MAMDC2: variants seen among roughly 807,000 people sequenced by gnomAD.
MAMDC2 encodes MAM domain containing 2.
Under a neutral mutation model 89.8 loss-of-function variants are expected in MAMDC2, and 57 were observed. The ratio of observed to expected loss-of-function variants is 0.63; its 90% CI spans 0.51 to 0.79. The LOEUF (loss-of-function observed/expected upper bound fraction) is 0.79, where lower values mean the gene tolerates loss of function less well. Among genes scored for constraint, MAMDC2 ranks in the 30% least tolerant of loss-of-function variants. MAMDC2 has a pLI of 0.00. For synonymous variants in MAMDC2, 313 were observed against 293.4 expected (o/e 1.07, Z -0.68); for missense variants, 800 against 820.6 (o/e 0.97, Z 0.31).
At chr9:70,219,107 TC>T (rs1333736516) in intron 12 of MAMDC2, among the ~76,000 whole-genome samples, 3 of 152,184 alleles carry the variant, frequency 2.0e-5, no homozygotes, top group Non-Finnish European at 4.4e-5. Flanking sequence ...TGATCCTCAG[TC>T]CTGGGTCTCC....
intron 2 of MAMDC2, chr9:70,093,702 G>C (rs1391148845): frequency 6.6e-6 from 1 of 151,904 alleles, no homozygotes; most frequent in Non-Finnish European, 1.5e-5. Flanking sequence ...AAAGTGCTGG[G>C]ATTACAGGCA....
chr9:70,170,410 G>A, intron 10 of MAMDC2, 69 bp from the exon 11 acceptor site: 1 of 1,511,308 alleles, frequency 6.6e-7, no homozygotes, highest in Non-Finnish European at 8.9e-7. Flanking sequence ...TACATGCAGA[G>A]TGGGCTGCTA....
At chr9:70,156,745 A>T (rs2031778185) in intron 9 of MAMDC2, among the ~76,000 whole-genome samples, 1 of 152,240 alleles carries the variant, frequency 6.6e-6, no homozygotes, top group South Asian at 2.1e-4. Context: ...TTTTCAAGCT[A>T]AACTCAGCAT....
At chr9:70,134,314 A>G (rs1368861015) in intron 7 of MAMDC2, among the ~76,000 whole-genome samples, 1 of 123,842 alleles carries the variant, frequency 8.1e-6, no homozygotes, top group Non-Finnish European at 1.6e-5. Flanking sequence ...CTTCCAGAGG[A>G]CCGTGAGACC....
At chr9:70,068,398 C>T (rs1188458106) in intron 2 of MAMDC2, among the ~76,000 whole-genome samples, 1 of 151,934 alleles carries the variant, frequency 6.6e-6, no homozygotes, top group African/African-American at 2.4e-5. Context: ...ACAGTGGAGG[C>T]AGGGACCTTT....
intron 2 of MAMDC2, among the ~76,000 whole-genome samples, chr9:70,076,249 C>T (rs2975903): frequency 0.013 from 2,047 of 152,208 alleles, 43 homozygotes; most frequent in African/African-American, 0.047. Context: ...AGCAAAACCC[C>T]GTCTTTACTA....
At chr9:70,187,874 T>C (rs1054736937) in intron 11 of MAMDC2, among the ~76,000 whole-genome samples, 2 of 152,202 alleles carry the variant, frequency 1.3e-5, no homozygotes, top group African/African-American at 4.8e-5. Context: ...TGTGGACATA[T>C]GTTTTCATTT....
intron 2 of MAMDC2, among the ~76,000 whole-genome samples, chr9:70,059,513 C>T (rs907405446): frequency 1.3e-5 from 2 of 152,136 alleles, no homozygotes; most frequent in African/African-American, 4.8e-5. Flanking sequence ...CTCCCGCTGG[C>T]TCTTGGTTCT....
Position 70,044,131 on chromosome 9 carries a change from G to C in MAMDC2, c.-67G>C. 6.3e-7 allele frequency: 1 copy of C among 1,590,180 alleles called. No individual in the cohort carries two copies. On this transcript the variant is annotated 5_prime_UTR_variant, in exon 1 of 14. Transcript: ENST00000377182. ...CCGCCTCCCACGATCCCTTTCACTAGGAGCAGCCAGTCCCAGCGGGCTGGC... is the reference window on the plus strand; with the variant it reads ...CCGCCTCCCACGATCCCTTTCACTACGAGCAGCCAGTCCCAGCGGGCTGGC...
intron 2 of MAMDC2, among the ~76,000 whole-genome samples, chr9:70,100,091 C>CGAG (rs1444434741): frequency 6.7e-6 from 1 of 149,770 alleles, no homozygotes; most frequent in Non-Finnish European, 1.5e-5. Context: ...AGTGAGATGA[C>CGAG]GAGGTGGGGT....
intron 2 of MAMDC2, among the ~76,000 whole-genome samples, chr9:70,100,434 G>A (rs1449424641): frequency 6.6e-6 from 1 of 152,212 alleles, no homozygotes; most frequent in African/African-American, 2.4e-5. Flanking sequence ...AGAAAATTGA[G>A]TGGGAAGATC....
intron 2 of MAMDC2, among the ~76,000 whole-genome samples, chr9:70,101,867 C>T (rs901492848): frequency 7.9e-5 from 12 of 152,216 alleles, no homozygotes; most frequent in African/African-American, 1.2e-4. Flanking sequence ...TTCAGTTTTA[C>T]AGTCTAAAGT....
chr9:70,163,479 G>A (rs566795912), intron 9 of MAMDC2, among the ~76,000 whole-genome samples: 1 of 151,856 alleles, frequency 6.6e-6, no homozygotes, highest in Non-Finnish European at 1.5e-5. Context: ...CGCCTGCCTT[G>A]GCCTCCCAAA....
chr9:70,205,797 TACTGGGGCTTC>T lies in MAMDC2; in HGVS notation c.1652-12539_1652-12529del, dbSNP rs1413612081. ...CATGTGAGCTGGTCTGAAGCTTCAA[TACTGGGGCTTC>T]CTGGCTCCCATCCAGAGCTTTTCTT... is the stretch of plus-strand genomic sequence containing the variant. On this transcript the variant is annotated intron_variant, in intron 11 of 13. Coordinates refer to ENST00000377182, the MANE Select transcript of MAMDC2 (RefSeq NM_153267.5). Among the ~76,000 whole-genome samples, 18 of 152,252 alleles carry T rather than the reference TACTGGGGCTTC, an allele frequency of 1.2e-4. No homozygotes were observed. The South Asian group carries it at 3.7e-3, about 32-fold the overall frequency.
intron 11 of MAMDC2, among the ~76,000 whole-genome samples, chr9:70,180,899 T>C (rs554561724): frequency 2.6e-5 from 4 of 152,318 alleles, no homozygotes; most frequent in African/African-American, 9.6e-5. Context: ...TGCAATTGCT[T>C]TTGATATTTT....
At chr9:70,210,737 A>C (rs2033338392) in intron 11 of MAMDC2, among the ~76,000 whole-genome samples, 1 of 152,124 alleles carries the variant, frequency 6.6e-6, no homozygotes, top group South Asian at 2.1e-4. Context: ...GATGGTCTTT[A>C]CAATTTGGCA....
At chr9:70,123,767 A>T (rs1423957059) in intron 5 of MAMDC2, among the ~76,000 whole-genome samples, 1 of 152,214 alleles carries the variant, frequency 6.6e-6, no homozygotes, top group African/African-American at 2.4e-5. Flanking sequence ...GGAGAATGCC[A>T]TGTAAAGATA....
chr9:70,205,306 G>A (rs945338880), intron 11 of MAMDC2, among the ~76,000 whole-genome samples: 7 of 151,854 alleles, frequency 4.6e-5, no homozygotes, highest in Non-Finnish European at 7.4e-5. Flanking sequence ...CTGAAACTCC[G>A]TACCCATTAA....
rs983438829 is a variant in MAMDC2, at chr9:70,044,098, C to T, written c.-100C>T. ...CTCGACTTCTCCCTCCTTGGGTCCC[C>T]GGCGCCCCCGCCTCCCACGATCCCT... On this transcript the variant is annotated 5_prime_UTR_variant, in exon 1 of 14. Coordinates refer to ENST00000377182, the MANE Select transcript of MAMDC2 (RefSeq NM_153267.5). 5 of 1,439,204 alleles carry T rather than the reference C, an allele frequency of 3.5e-6. No homozygotes were observed. Among genetic ancestry groups the T allele is most frequent in the Non-Finnish European group, 4.8e-6 (5 of 1,032,594 alleles). 89.2% of individuals were successfully genotyped at this position (1,439,204 alleles called of 1,614,324 possible).
Sources: gnomAD v4.1 joint callset for allele counts (sites outside exome capture counted in the v4.1 genomes callset) on GRCh38, gnomAD v4.1.1 for gene constraint, MANE v1.5 for transcripts, NCBI Gene and HGNC (gene_info 2026-07-23, HGNC 2026-07-21) for gene names.